WTAP: variants seen among roughly 807,000 people sequenced by gnomAD.
WTAP encodes the protein WT1 associated protein, also known as pre-mRNA-splicing regulator WTAP.
Under a neutral mutation model 50.0 loss-of-function variants are expected in WTAP, and 8 were observed. The observed-to-expected ratio is 0.16, with a 90% confidence interval of 0.09 to 0.29. The LOEUF is 0.29. Ranked by LOEUF, WTAP falls within the 10% of genes least tolerant of loss-of-function variation. The pLI is 1.00. For synonymous variants in WTAP, 194 were observed against 169.0 expected (o/e 1.15, Z -1.15); for missense variants, 295 against 470.7 (o/e 0.63, Z 3.45).
chr6:159,727,381 A>AGGCGGGAGGCGGGG, upstream of WTAP: 2 of 684,626 alleles, frequency 2.9e-6, no homozygotes, highest in Admixed American at 5.3e-5. Flanking sequence ...GGCTGGCGGG[A>AGGCGGGAGGCGGGG]GGCGGGAGGC....
Position 159,748,940 on chromosome 6 carries a change from T to C in WTAP, c.452+571T>C. ...TGGGTCAAAACTCAAATGAGGTGAATTTTGCCTTTAAAGGGTTTATTTGCT... is the reference window on the plus strand; with the variant it reads ...TGGGTCAAAACTCAAATGAGGTGAACTTTGCCTTTAAAGGGTTTATTTGCT... On this transcript the variant is annotated intron_variant, in intron 6 of 7. Transcript: ENST00000621533. The surrounding 1 kb of genome is among the most constrained non-coding windows in gnomAD (Gnocchi z 5.6). 1 of 1,124,168 alleles carries C rather than the reference T, an allele frequency of 8.9e-7. No individual in the cohort carries two copies. Among genetic ancestry groups the C allele is most frequent in the South Asian group, 4.4e-5 (1 of 22,518 alleles). 69.6% of individuals were successfully genotyped at this position (1,124,168 alleles called of 1,614,324 possible).
chr6:159,750,694 T>C lies in WTAP; in HGVS notation c.452+2325T>C, dbSNP rs150187159. 6.3e-3 allele frequency among the ~76,000 whole-genome samples: 955 copies of C among 152,382 alleles called. 10 individuals are homozygous for C. The highest frequency in any genetic ancestry group is 0.022 in the African/African-American group (921 of 41,586). ...ATCTAGACAACTACATTTTTAATGC[T>C]TACATAGTATATTTCCGTTATATTA... is the stretch of plus-strand genomic sequence containing the variant. On this transcript the variant is annotated intron_variant, in intron 6 of 7. Coordinates refer to ENST00000621533, the MANE Select transcript of WTAP (RefSeq NM_001270531.2).
chr6:159,748,125 T>A lies in WTAP; in HGVS notation c.274-66T>A. ...TGGTAAATCAAGTGAATGGAGGGAG[T>A]TTTCCCCACCTTCTTATGTATGTTT... On this transcript the variant is annotated intron_variant, in intron 5 of 7. Transcript: ENST00000621533. This position sits in a 1 kb window ranked among gnomAD's most constrained non-coding sequence, Gnocchi z 5.6. The A allele has an allele frequency of 1.3e-6, 2 of 1,518,350 alleles. No homozygotes were observed. The highest frequency in any genetic ancestry group is 8.9e-7 in the Non-Finnish European group (1 of 1,123,156). The allele number at this position is 1,518,350 out of a possible 1,614,324, so 94.1% of individuals were successfully genotyped here.
At position 159,727,563 on chromosome 6, in the gene WTAP, TGCGGCGGGACTAGGAGC is replaced by T. The variant is rs1193173702; in HGVS notation, c.-140_-124del. 96 of 988,126 alleles carry T rather than the reference TGCGGCGGGACTAGGAGC, an allele frequency of 9.7e-5. No individual in the cohort carries two copies. In the East Asian group the frequency reaches 8.3e-3, roughly 85 times the overall value. The allele number at this position is 988,126 out of a possible 1,614,324, so 61.2% of individuals were successfully genotyped here. On this transcript the variant is annotated 5_prime_UTR_variant, in exon 1 of 8. Transcript: ENST00000621533. ...CACAAATAAAGGGGAGCGCAGGGGT[TGCGGCGGGACTAGGAGC>T]GCGGCGGGGCCGGCGGCAGAGCTGT...
intron 4 of WTAP, among the ~76,000 whole-genome samples, chr6:159,743,280 C>T (rs2114927013): frequency 6.6e-6 from 1 of 152,348 alleles, no homozygotes; most frequent in East Asian, 1.9e-4. Context: ...CTCCTGACCT[C>T]AGGTGATCTA....
rs200936281 is a variant in WTAP at position 159,742,052 on chromosome 6, A to T, written c.87-36A>T. On this transcript the variant is annotated intron_variant, in intron 3 of 7. Coordinates refer to ENST00000621533, the MANE Select transcript of WTAP (RefSeq NM_001270531.2). ...TCTAGTTTATTTAATAAACTATTTTATCGTAACAACTAATGTATGGATTTT... is the reference window on the plus strand; with the variant it reads ...TCTAGTTTATTTAATAAACTATTTTTTCGTAACAACTAATGTATGGATTTT... The T allele has an allele frequency of 3.5e-6, 5 of 1,434,320 alleles. No homozygotes were observed. The East Asian group carries it at 1.1e-4, about 33-fold the overall frequency. 88.8% of individuals were successfully genotyped at this position (1,434,320 alleles called of 1,614,324 possible). A position where few individuals can be genotyped will look rare whatever the true frequency, so the allele number is the denominator to read the frequency against.
In WTAP at chr6:159,747,898, A is replaced by G. The variant is rs1170850726; in HGVS notation, c.274-293A>G. On this transcript the variant is annotated intron_variant, in intron 5 of 7. Transcript: ENST00000621533. ...CCTAAGTGAGTAACCTTAAATAGTT[A>G]TTTTTTTAATTGACAAATAAGTTTT... Among the ~76,000 whole-genome samples, 3 of 152,156 alleles carry G rather than the reference A, an allele frequency of 2.0e-5. No homozygotes were observed. In the East Asian group the frequency reaches 5.8e-4, roughly 29 times the overall value.
intron 6 of WTAP, among the ~76,000 whole-genome samples, chr6:159,752,965 G>T (rs1388837204): frequency 6.6e-6 from 1 of 152,158 alleles, no homozygotes; most frequent in Non-Finnish European, 1.5e-5. Flanking sequence ...TCCTGTTAAG[G>T]AAAATCCTTA....
At chr6:159,727,217 G>A, upstream of WTAP, 2 of 1,265,028 alleles carry the variant, frequency 1.6e-6, no homozygotes, top group Non-Finnish European at 1.0e-6. Context: ...CTGCTCCATT[G>A]TGCCTCGAGG....
upstream of WTAP, chr6:159,726,877 G>C: frequency 7.8e-7 from 1 of 1,289,178 alleles, no homozygotes; most frequent in Non-Finnish European, 1.0e-6. Context: ...AAGAGTAAAC[G>C]CCCGCGGCTC....
intron 4 of WTAP, 152 bp downstream of exon 4, chr6:159,742,298 A>G: frequency 1.6e-6 from 1 of 613,290 alleles, no homozygotes; most frequent in South Asian, 2.2e-5. Context: ...GCAAGAAAAT[A>G]TAAAGATGAA....
chr6:159,745,621 G>A (rs569514679), intron 5 of WTAP, among the ~76,000 whole-genome samples: 1 of 152,232 alleles, frequency 6.6e-6, no homozygotes, highest in South Asian at 2.1e-4. Flanking sequence ...GAAAAAAGAT[G>A]AGGTCAGCCT....
At chr6:159,743,550 AG>A in intron 4 of WTAP, 114 bp from the exon 5 acceptor site, 1 of 1,003,226 alleles carries the variant, frequency 1.0e-6, no homozygotes, top group Non-Finnish European at 1.4e-6. Flanking sequence ...AAAAGTAGTT[AG>A]GATGGAAACT....
intron 1 of WTAP, among the ~76,000 whole-genome samples, chr6:159,728,090 C>T (rs1036655353): frequency 2.0e-5 from 3 of 152,164 alleles, no homozygotes; most frequent in Non-Finnish European, 4.4e-5. Flanking sequence ...ACGAGTTCAG[C>T]AAGGAAAAAA....
chr6:159,727,129 T>C (rs1039554758), upstream of WTAP: 592 of 1,194,592 alleles, frequency 5.0e-4, no homozygotes, highest in Non-Finnish European at 5.8e-4. Context: ...CTTCCCTTAC[T>C]GAGCTTGCTG....
At chr6:159,738,302 T>C (rs1441789696) in intron 2 of WTAP, among the ~76,000 whole-genome samples, 1 of 152,250 alleles carries the variant, frequency 6.6e-6, no homozygotes, top group Non-Finnish European at 1.5e-5. Context: ...TAATTGTTAC[T>C]TCAGAGTGTT....
rs540963974 is a variant in WTAP at position 159,755,902 on chromosome 6, G to A, written c.*291G>A. ...TTTTTATATGAGTTAATGTGAAATT[G>A]TAAATGGAAATTTTTCCTTAAAATA... On this transcript the variant is annotated 3_prime_UTR_variant, in exon 8 of 8. Transcript: ENST00000621533. 6.2e-5 allele frequency: 20 copies of A among 321,674 alleles called. 1 individual carries two copies. In the South Asian group the frequency reaches 1.2e-3, roughly 20 times the overall value. 19.9% of individuals were successfully genotyped at this position (321,674 alleles called of 1,614,324 possible).
At chr6:159,753,744 G>C (rs1779902799) in intron 7 of WTAP, 130 bp downstream of exon 7, 1 of 1,171,256 alleles carries the variant, frequency 8.5e-7, no homozygotes, top group African/African-American at 1.6e-5. Context: ...ATATTATTGT[G>C]AGTGAAGCAT....
upstream of WTAP, chr6:159,726,902 C>T (rs1778196417): frequency 1.6e-6 from 2 of 1,288,976 alleles, no homozygotes; most frequent in South Asian, 2.5e-5. Flanking sequence ...CCCACGGCCT[C>T]TCTCTTGAGG....
Sources: allele counts gnomAD v4.1 joint callset (sites outside exome capture counted in the v4.1 genomes callset), GRCh38; gene constraint gnomAD v4.1.1; non-coding constraint Gnocchi (gnomAD v3.1); transcripts MANE v1.5; gene names NCBI Gene and HGNC (gene_info 2026-07-23, HGNC 2026-07-21).